Variants in RBPJ observed in about 807,000 individuals in gnomAD.
RBPJ encodes the protein recombining binding protein suppressor of hairless.
In RBPJ, 9 loss-of-function variants were observed where a neutral mutation model predicts 67.8. The observed-to-expected ratio is 0.13, with a 90% CI of 0.08 to 0.23. The LOEUF (loss-of-function observed/expected upper bound fraction) is 0.23. Among genes scored for constraint, RBPJ ranks in the 10% least tolerant of loss-of-function variants. RBPJ has a pLI of 1.00. For missense variants in RBPJ, 305 were observed against 595.6 expected (o/e 0.51, Z 5.08); for synonymous variants, 198 against 203.3 (o/e 0.97, Z 0.22).
rs1717420161 is a variant in RBPJ, at chr4:26,189,989, A to G, written c.-167+26375A>G. Among the ~76,000 whole-genome samples the G allele has an allele frequency of 2.6e-5, 4 of 152,224 alleles. No homozygotes were observed. The South Asian group carries it at 8.3e-4, about 32-fold the overall frequency. On this transcript the variant is annotated intron_variant, in intron 1 of 4. Coordinates refer to the RBPJ transcript ENST00000512351. ...ACACACTTGACAGATGCTGCCATTC[A>G]TAATAAAATTCAAACACAGGAGCAA...
At chr4:26,297,774 T>G (rs1721930811) in intron 1 of RBPJ, among the ~76,000 whole-genome samples, 1 of 152,030 alleles carries the variant, frequency 6.6e-6, no homozygotes, top group Non-Finnish European at 1.5e-5. Context: ...TCCTAAAATC[T>G]CTGCCAGTTG....
chr4:26,228,792 T>A (rs1719171956), intron 1 of RBPJ, among the ~76,000 whole-genome samples: 1 of 152,262 alleles, frequency 6.6e-6, no homozygotes, highest in Non-Finnish European at 1.5e-5. Context: ...ATCGTTTGAC[T>A]GGATGGATGG....
At chr4:26,235,423 T>C (rs1005355997) in intron 1 of RBPJ, among the ~76,000 whole-genome samples, 1 of 152,254 alleles carries the variant, frequency 6.6e-6, no homozygotes, top group Admixed American at 6.5e-5. Context: ...CAAGAACTTA[T>C]GTCTTTACAT....
At chr4:26,222,187 G>A (rs942516740) in intron 1 of RBPJ, among the ~76,000 whole-genome samples, 1 of 152,158 alleles carries the variant, frequency 6.6e-6, no homozygotes, top group Non-Finnish European at 1.5e-5. Context: ...TAGATAGGTA[G>A]TTGGGTATTT....
intron 1 of RBPJ, among the ~76,000 whole-genome samples, chr4:26,340,300 A>G (rs1284972225): frequency 6.6e-6 from 1 of 152,238 alleles, no homozygotes. Flanking sequence ...ACAGCATTCC[A>G]CACAAAAGGA....
the RBPJ span, among the ~76,000 whole-genome samples, chr4:26,155,954 C>A: frequency 1.3e-5 from 2 of 152,074 alleles, no homozygotes; most frequent in African/African-American, 4.8e-5. Flanking sequence ...TCCAGGTCTC[C>A]TGGAAAGAAA....
intron 1 of RBPJ, among the ~76,000 whole-genome samples, chr4:26,369,245 AT>A (rs1393661992): frequency 1.3e-5 from 2 of 152,206 alleles, no homozygotes; most frequent in Non-Finnish European, 2.9e-5. Flanking sequence ...TTTTGAAATG[AT>A]TTCAATTTCT....
intron 1 of RBPJ, among the ~76,000 whole-genome samples, chr4:26,211,476 T>C (rs887689196): frequency 2.0e-5 from 3 of 152,206 alleles, no homozygotes; most frequent in Non-Finnish European, 4.4e-5. Context: ...ATTTGAGATG[T>C]ATTTCACATA....
the RBPJ span, among the ~76,000 whole-genome samples, chr4:26,125,816 G>A: frequency 4.0e-5 from 6 of 150,928 alleles, no homozygotes; most frequent in South Asian, 2.1e-4. Flanking sequence ...AAAAAAAATC[G>A]TCCCTCTTCT....
chr4:26,109,425 CCTCTCTCTCT>C, the RBPJ span, among the ~76,000 whole-genome samples: 1 of 22,890 alleles, frequency 4.4e-5, no homozygotes, highest in African/African-American at 2.3e-4. Flanking sequence ...TCTCTCTCTC[CCTCTCTCTCT>C]CTCTCTCTCT....
intron 1 of RBPJ, among the ~76,000 whole-genome samples, chr4:26,205,590 AT>A (rs869174055): frequency 5.9e-5 from 9 of 151,726 alleles, no homozygotes; most frequent in Non-Finnish European, 8.8e-5. Context: ...TCTAAAAAAA[AT>A]TTTTTTTGTT....
At chr4:26,265,782 T>C (rs1332816405) in intron 1 of RBPJ, among the ~76,000 whole-genome samples, 2 of 151,856 alleles carry the variant, frequency 1.3e-5, no homozygotes, top group Non-Finnish European at 2.9e-5. Context: ...CTCACGCTTA[T>C]AATCCCAGCA....
chr4:26,111,252 C>T, the RBPJ span, among the ~76,000 whole-genome samples: 8 of 152,120 alleles, frequency 5.3e-5, no homozygotes, highest in Non-Finnish European at 2.9e-5. Context: ...GTCCCTGTCC[C>T]CCCAGCCCCA....
chr4:26,277,772 C>T (rs968559535), intron 1 of RBPJ, among the ~76,000 whole-genome samples: 2 of 152,204 alleles, frequency 1.3e-5, no homozygotes, highest in African/African-American at 4.8e-5. Context: ...AAATGCTCTC[C>T]TGACCCTCTC....
intron 1 of RBPJ, among the ~76,000 whole-genome samples, chr4:26,372,026 GA>G (rs1198475669): frequency 1.3e-5 from 2 of 152,176 alleles, no homozygotes; most frequent in Admixed American, 6.5e-5. Flanking sequence ...TTTTAAATTA[GA>G]AATAATGCTG....
intron 1 of RBPJ, among the ~76,000 whole-genome samples, chr4:26,173,576 G>A (rs994640832): frequency 6.6e-6 from 1 of 152,186 alleles, no homozygotes; most frequent in Non-Finnish European, 1.5e-5. Context: ...TTACACCCAG[G>A]AGATGGGGAA....
intron 1 of RBPJ, among the ~76,000 whole-genome samples, chr4:26,379,007 C>T (rs1055952495): frequency 2.0e-5 from 3 of 151,960 alleles, no homozygotes; most frequent in African/African-American, 4.8e-5. Flanking sequence ...GCATGGGCGA[C>T]GGAGTGAGAC....
intron 1 of RBPJ, among the ~76,000 whole-genome samples, chr4:26,224,034 G>A (rs1719002067): frequency 6.6e-6 from 1 of 152,168 alleles, no homozygotes; most frequent in Non-Finnish European, 1.5e-5. Context: ...ATAATAGAGA[G>A]AGTTTAGAAG....
chr4:26,165,893 A>T (rs1354592082), intron 1 of RBPJ, among the ~76,000 whole-genome samples: 1 of 129,298 alleles, frequency 7.7e-6, no homozygotes, highest in Non-Finnish European at 1.6e-5. Flanking sequence ...CAGTCCCCAG[A>T]GTGTGATGTT....
Sources: allele counts gnomAD v4.1 joint callset (sites outside exome capture counted in the v4.1 genomes callset), GRCh38; gene constraint gnomAD v4.1.1; transcripts MANE v1.5; gene names NCBI Gene and HGNC (gene_info 2026-07-23, HGNC 2026-07-21).